The following CAMSAP2 variants were observed in gnomAD, a reference collection of about 807,000 sequenced individuals.
CAMSAP2 encodes the protein calmodulin regulated spectrin associated protein family member 2.
CAMSAP2 carries 26 observed loss-of-function variants against 146.1 expected under a neutral mutation model. The ratio of observed to expected loss-of-function variants is 0.18; its 90% CI spans 0.13 to 0.25. CAMSAP2 has a LOEUF of 0.25. CAMSAP2 is among the 10% of genes least tolerant of loss of function. The pLI is 1.00. For synonymous variants in CAMSAP2, 499 were observed against 596.6 expected (o/e 0.84, Z 2.38); for missense variants, 1,381 against 1,759.3 (o/e 0.78, Z 3.85).
intron 2 of CAMSAP2, among the ~76,000 whole-genome samples, chr1:200,784,204 G>A (rs1665522579): frequency 6.6e-6 from 1 of 151,922 alleles, no homozygotes; most frequent in Non-Finnish European, 1.5e-5. Context: ...CTTGAAACTT[G>A]TTAGTGTAAG....
rs1553276829 is a variant in CAMSAP2, at chr1:200,738,940, A to AAGCGGCGGCG, written c.-888_-887insAGCGGCGGCG. ...TCCAGTGCCGCAGCCGGAAAACCGC[A>AAGCGGCGGCG]GCGGCGGCGGCGGCGGCTGAGGGGG... On this transcript the variant is annotated 5_prime_UTR_variant, in exon 1 of 17. Coordinates refer to ENST00000358823, the MANE Select transcript of CAMSAP2 (RefSeq NM_203459.4). 6.0e-5 allele frequency among the ~76,000 whole-genome samples: 9 copies of AAGCGGCGGCG among 149,012 alleles called. No homozygotes were observed. The highest frequency in any genetic ancestry group is 1.3e-4 in the Non-Finnish European group (9 of 67,558).
intron 2 of CAMSAP2, among the ~76,000 whole-genome samples, chr1:200,781,870 A>G (rs1232541573): frequency 6.6e-6 from 1 of 152,062 alleles, no homozygotes; most frequent in Non-Finnish European, 1.5e-5. Flanking sequence ...TGTACTCTTG[A>G]TAGTTACTGT....
intron 3 of CAMSAP2, among the ~76,000 whole-genome samples, chr1:200,811,083 C>T (rs1200540240): frequency 3.9e-5 from 6 of 152,170 alleles, no homozygotes; most frequent in Non-Finnish European, 2.9e-5. Context: ...GTCAAAAAGG[C>T]AAATCCAATC....
chr1:200,846,382 AATGTTTTAATTC>A (rs1450411018), intron 8 of CAMSAP2, among the ~76,000 whole-genome samples: 1 of 152,188 alleles, frequency 6.6e-6, no homozygotes, highest in Non-Finnish European at 1.5e-5. Context: ...ATTTCTGAAA[AATGTTTTAATTC>A]ATGTCCTCTG....
intron 2 of CAMSAP2, among the ~76,000 whole-genome samples, chr1:200,796,727 T>A (rs1012882077): frequency 1.8e-4 from 27 of 151,950 alleles, no homozygotes; most frequent in African/African-American, 6.0e-4. Context: ...TTGTGAAGGT[T>A]AGTTACATAT....
intron 2 of CAMSAP2, among the ~76,000 whole-genome samples, chr1:200,792,781 G>T (rs1358153016): frequency 6.6e-6 from 1 of 152,216 alleles, no homozygotes; most frequent in Non-Finnish European, 1.5e-5. Flanking sequence ...TTGGAGAGAA[G>T]TAGATGTGAC....
At chr1:200,801,626 G>T (rs1185294268) in intron 2 of CAMSAP2, among the ~76,000 whole-genome samples, 1 of 152,046 alleles carries the variant, frequency 6.6e-6, no homozygotes, top group Non-Finnish European at 1.5e-5. Context: ...GGCTTTGTTT[G>T]TTCCTTTTCG....
At chr1:200,790,145 CT>C (rs1447381280) in intron 2 of CAMSAP2, among the ~76,000 whole-genome samples, 1 of 152,060 alleles carries the variant, frequency 6.6e-6, no homozygotes, top group Non-Finnish European at 1.5e-5. Flanking sequence ...TTTTCTCCTT[CT>C]TTAGGTGGGT....
chr1:200,831,361 A>G (rs1443929811), intron 4 of CAMSAP2, among the ~76,000 whole-genome samples: 2 of 152,332 alleles, frequency 1.3e-5, no homozygotes, highest in East Asian at 3.9e-4. Context: ...TTATTACGCC[A>G]GTTTACAGAT....
At chr1:200,763,261 G>A (rs898556924) in intron 2 of CAMSAP2, among the ~76,000 whole-genome samples, 5 of 152,154 alleles carry the variant, frequency 3.3e-5, no homozygotes, top group Admixed American at 3.3e-4. Flanking sequence ...ACTTCAGGCT[G>A]GGTGTGGTAG....
At chr1:200,741,403 T>G (rs964896833) in intron 1 of CAMSAP2, among the ~76,000 whole-genome samples, 1 of 152,230 alleles carries the variant, frequency 6.6e-6, no homozygotes, top group Non-Finnish European at 1.5e-5. Context: ...ACCACTGATA[T>G]AAGCAGTGAG....
At chr1:200,749,298 C>T (rs1664433048) in intron 1 of CAMSAP2, among the ~76,000 whole-genome samples, 1 of 152,178 alleles carries the variant, frequency 6.6e-6, no homozygotes. Context: ...AGGAAGCCTG[C>T]CACAGCTGTA....
rs777057423 is a variant in CAMSAP2 at position 200,815,692 on chromosome 1, G to A, written c.645+48G>A. On this transcript the variant is annotated intron_variant, in intron 4 of 16. Coordinates refer to ENST00000358823, the MANE Select transcript of CAMSAP2 (RefSeq NM_203459.4). Reference sequence around the variant, plus strand: ...GGTGCCTTTATGAGACTGTATATATGTTCACATATTTGTATTATTTTGGGA... The same window carrying A: ...GGTGCCTTTATGAGACTGTATATATATTCACATATTTGTATTATTTTGGGA... 4.4e-6 allele frequency: 4 copies of A among 917,070 alleles called. No homozygotes were observed. The Admixed American group carries it at 1.1e-4, about 25-fold the overall frequency. 56.8% of individuals were successfully genotyped at this position (917,070 alleles called of 1,614,324 possible).
At chr1:200,744,730 T>C (rs1571707208) in intron 1 of CAMSAP2, among the ~76,000 whole-genome samples, 1 of 152,008 alleles carries the variant, frequency 6.6e-6, no homozygotes, top group South Asian at 2.1e-4. Flanking sequence ...CTAGTGGAGG[T>C]GGTATTTAAG....
At chr1:200,820,676 T>A (rs1416125455) in intron 4 of CAMSAP2, among the ~76,000 whole-genome samples, 1 of 152,204 alleles carries the variant, frequency 6.6e-6, no homozygotes, top group Non-Finnish European at 1.5e-5. Context: ...TCAAATGCTG[T>A]TTCTTCAAAT....
intron 14 of CAMSAP2, 59 bp from the exon 15 acceptor site, chr1:200,855,951 C>T: frequency 1.8e-6 from 2 of 1,128,524 alleles, no homozygotes; most frequent in Non-Finnish European, 1.3e-6. Flanking sequence ...TCACGTATAC[C>T]CTCTGGGCCC....
chr1:200,779,198 C>A (rs76949750), intron 2 of CAMSAP2, among the ~76,000 whole-genome samples: 2 of 152,256 alleles, frequency 1.3e-5, no homozygotes, highest in East Asian at 3.9e-4. Context: ...AAAAGTACCA[C>A]AATTTATTTG....
chr1:200,854,790 G>A (rs1486485750), intron 13 of CAMSAP2, 27 bp from the exon 14 acceptor site: 1 of 1,585,752 alleles, frequency 6.3e-7, no homozygotes, highest in Admixed American at 1.7e-5. Context: ...TTTTATTCAG[G>A]ATCATGAATT....
intron 6 of CAMSAP2, among the ~76,000 whole-genome samples, chr1:200,833,375 A>G (rs1667095026): frequency 6.6e-6 from 1 of 152,126 alleles, no homozygotes; most frequent in Non-Finnish European, 1.5e-5. Context: ...AGACTGGGCA[A>G]CATGGTGAAA....
Sources: gnomAD v4.1 joint callset for allele counts (sites outside exome capture counted in the v4.1 genomes callset) on GRCh38, gnomAD v4.1.1 for gene constraint, MANE v1.5 for transcripts, NCBI Gene and HGNC (gene_info 2026-07-23, HGNC 2026-07-21) for gene names.